CNTN5: variants seen among roughly 807,000 people sequenced by gnomAD.
CNTN5 encodes the protein contactin-5.
Under a neutral mutation model 129.1 loss-of-function variants are expected in CNTN5, and 77 were observed. That is an observed-to-expected ratio of 0.60 (90% CI 0.50 to 0.72). The LOEUF (loss-of-function observed/expected upper bound fraction) is 0.72. Among genes scored for constraint, CNTN5 ranks in the 30% least tolerant of loss-of-function variants. The probability of loss-of-function intolerance (pLI) is 0.00; values close to 1 mark genes in which losing one functional copy is unlikely to be tolerated. For missense variants in CNTN5, 1,478 were observed against 1,328.8 expected (o/e 1.11, Z -1.75); for synonymous variants, 509 against 465.6 (o/e 1.09, Z -1.20).
At chr11:100,020,118 C>A (rs1229522464) in intron 9 of CNTN5, among the ~76,000 whole-genome samples, 3 of 151,882 alleles carry the variant, frequency 2.0e-5, no homozygotes, top group African/African-American at 7.2e-5. Flanking sequence ...TTTGTTTTAT[C>A]AGGCAGAAGC....
chr11:99,916,850 TAAAG>T (rs1037441542), intron 7 of CNTN5, among the ~76,000 whole-genome samples: 1 of 152,020 alleles, frequency 6.6e-6, no homozygotes, highest in African/African-American at 2.4e-5. Flanking sequence ...CAGCATCAGT[TAAAG>T]AGAGAGAGAA....
intron 13 of CNTN5, among the ~76,000 whole-genome samples, chr11:100,133,001 C>T (rs1946421284): frequency 6.6e-6 from 1 of 151,628 alleles, no homozygotes; most frequent in South Asian, 2.1e-4. Flanking sequence ...ATTATTCAGG[C>T]CTTTATAAAA....
At chr11:99,579,528 C>A (rs1949494693) in intron 3 of CNTN5, among the ~76,000 whole-genome samples, 1 of 149,554 alleles carries the variant, frequency 6.7e-6, no homozygotes, top group Non-Finnish European at 1.5e-5. Flanking sequence ...TGTAGTCCTC[C>A]TTGAAGAGGT....
At chr11:100,257,636 C>T (rs1408601557) in intron 17 of CNTN5, among the ~76,000 whole-genome samples, 1 of 152,078 alleles carries the variant, frequency 6.6e-6, no homozygotes, top group Non-Finnish European at 1.5e-5. Flanking sequence ...CTGGTGATAC[C>T]CAGGCAAAAT....
chr11:99,992,528 A>G (rs1326356489), intron 8 of CNTN5, among the ~76,000 whole-genome samples: 1 of 152,168 alleles, frequency 6.6e-6, no homozygotes, highest in Admixed American at 6.6e-5. Flanking sequence ...GAATTTTTTT[A>G]ATGTTCATAA....
rs1016852180 is a variant in CNTN5, at chr11:99,462,648, G to A, written c.-70-93497G>A. ...AGACTGGAGTTAACATCCTCCAAAA[G>A]AGTCCGGTAGTACTGAATACGCCCG... On this transcript the variant is annotated intron_variant, in intron 2 of 24. Transcript: ENST00000524871. Among the ~76,000 whole-genome samples the A allele has an allele frequency of 2.0e-5, 3 of 152,170 alleles. No individual in the cohort carries two copies. In the East Asian group the frequency reaches 5.8e-4, roughly 29 times the overall value.
In CNTN5 at chr11:99,109,773, G is replaced by A. The variant is rs141893801; in HGVS notation, c.-210+88503G>A. On this transcript the variant is annotated intron_variant, in intron 1 of 24. Coordinates refer to ENST00000524871, the MANE Select transcript of CNTN5 (RefSeq NM_014361.4). ...TTGCTTATATGTAAAAGATATAAAA[G>A]TGACCATAAACAATTCCTTTTTCTT... is the stretch of plus-strand genomic sequence containing the variant. 1.6e-3 allele frequency among the ~76,000 whole-genome samples: 246 copies of A among 152,160 alleles called. 1 individual carries two copies. Among genetic ancestry groups the A allele is most frequent in the African/African-American group, 5.7e-3 (237 of 41,536 alleles).
chr11:99,131,091 T>A (rs1466363650), intron 1 of CNTN5, among the ~76,000 whole-genome samples: 1 of 84,238 alleles, frequency 1.2e-5, no homozygotes, highest in African/African-American at 4.7e-5. Flanking sequence ...TGAAACCCCA[T>A]CTCTACTAAA....
At chr11:99,074,398 A>C (rs967176387) in intron 1 of CNTN5, among the ~76,000 whole-genome samples, 27 of 152,164 alleles carry the variant, frequency 1.8e-4, no homozygotes, top group African/African-American at 6.3e-4. Flanking sequence ...CAATTAGTCA[A>C]TTTTGGCTTT....
At chr11:100,053,366 G>A (rs1279664273) in intron 9 of CNTN5, among the ~76,000 whole-genome samples, 8 of 151,580 alleles carry the variant, frequency 5.3e-5, no homozygotes, top group Non-Finnish European at 1.0e-4. Context: ...CTTGTATCCA[G>A]TATGAACTAA....
intron 2 of CNTN5, among the ~76,000 whole-genome samples, chr11:99,456,640 G>A (rs1262990027): frequency 6.6e-6 from 1 of 151,962 alleles, no homozygotes; most frequent in East Asian, 1.9e-4. Context: ...ATTTTTCTAT[G>A]CTGCCTTTCC....
chr11:99,941,155 TCTAACGGGAC>T (rs1426229878), intron 7 of CNTN5, among the ~76,000 whole-genome samples: 1 of 152,032 alleles, frequency 6.6e-6, no homozygotes, highest in African/African-American at 2.4e-5. Flanking sequence ...TTTATGTCAA[TCTAACGGGAC>T]CTATACAATT....
chr11:99,843,688 C>G (rs1015637723), intron 4 of CNTN5, among the ~76,000 whole-genome samples: 1 of 151,966 alleles, frequency 6.6e-6, no homozygotes, highest in Non-Finnish European at 1.5e-5. Flanking sequence ...GAGAGAGATG[C>G]TACTGGAATC....
intron 13 of CNTN5, among the ~76,000 whole-genome samples, chr11:100,162,891 C>T (rs1947503694): frequency 6.6e-6 from 1 of 151,702 alleles, no homozygotes; most frequent in Non-Finnish European, 1.5e-5. Flanking sequence ...GGTACTTAAC[C>T]TGCTTTGCAA....
chr11:99,357,784 A>G (rs1591567824), intron 2 of CNTN5, among the ~76,000 whole-genome samples: 1 of 151,782 alleles, frequency 6.6e-6, no homozygotes, highest in Non-Finnish European at 1.5e-5. Context: ...AGGTTATTTC[A>G]CTTCCGCTCC....
At chr11:99,193,284 C>T (rs1048292593) in intron 1 of CNTN5, among the ~76,000 whole-genome samples, 1 of 151,846 alleles carries the variant, frequency 6.6e-6, no homozygotes, top group African/African-American at 2.4e-5. Context: ...AAAGAAAAAG[C>T]CACAGCAACC....
intron 1 of CNTN5, among the ~76,000 whole-genome samples, chr11:99,177,705 A>G (rs1187779834): frequency 6.6e-6 from 1 of 152,204 alleles, no homozygotes; most frequent in Non-Finnish European, 1.5e-5. Flanking sequence ...AGAAGGAAAA[A>G]AATGTATATA....
chr11:100,228,111 T>C (rs1446523725), intron 16 of CNTN5, among the ~76,000 whole-genome samples: 3 of 152,218 alleles, frequency 2.0e-5, no homozygotes, highest in Non-Finnish European at 4.4e-5. Flanking sequence ...ATCTTTCTAT[T>C]CAGAAGAAGT....
At chr11:99,568,482 T>G (rs1261673200) in intron 3 of CNTN5, among the ~76,000 whole-genome samples, 1 of 152,236 alleles carries the variant, frequency 6.6e-6, no homozygotes, top group African/African-American at 2.4e-5. Flanking sequence ...TCTGGGGAAC[T>G]GCCTCTATGC....
Sources: allele counts gnomAD v4.1 joint callset (sites outside exome capture counted in the v4.1 genomes callset), GRCh38; gene constraint gnomAD v4.1.1; transcripts MANE v1.5; gene names NCBI Gene and HGNC (gene_info 2026-07-23, HGNC 2026-07-21).